The following WWC2 variants were observed in gnomAD, a reference collection of about 807,000 sequenced individuals.
WWC2 encodes protein WWC2.
In WWC2, 101 loss-of-function variants were observed where a neutral mutation model predicts 138.5. That is an observed-to-expected ratio of 0.73 (90% CI 0.62 to 0.86). WWC2 has a LOEUF of 0.86. WWC2 is among the 40% of genes least tolerant of loss of function. WWC2 has a pLI of 0.00. For synonymous variants in WWC2, 558 were observed against 538.4 expected (o/e 1.04, Z -0.50); for missense variants, 1,420 against 1,419.4 (o/e 1.00, Z -0.01).
chr4:183,282,464 T>C (rs1159884443), intron 17 of WWC2: 1 of 534,080 alleles, frequency 1.9e-6, no homozygotes, highest in Admixed American at 3.4e-5. Flanking sequence ...TATCTAGAAG[T>C]TAGGTTAAAT....
rs1449802262 is a variant in WWC2, at chr4:183,245,459, A to G, written c.646A>G (p.Ser216Gly). Residue 216 changes from serine to glycine, a missense_variant, in exon 6 of 23, where the codon AGT becomes GGT. Coordinates refer to ENST00000403733, the MANE Select transcript of WWC2 (RefSeq NM_024949.6). ...MSGGQSGYEL[S>G]EAKAILTELK... Reference sequence around the variant, plus strand: ...TGGAGGCCAGAGCGGGTATGAACTCAGTGAAGCCAAAGCCATTCTAACAGA... The same window carrying G: ...TGGAGGCCAGAGCGGGTATGAACTCGGTGAAGCCAAAGCCATTCTAACAGA... 1.9e-6 allele frequency: 3 copies of G among 1,603,850 alleles called. No homozygotes were observed. The highest frequency in any genetic ancestry group is 2.2e-5 in the South Asian group (2 of 89,202).
intron 1 of WWC2, among the ~76,000 whole-genome samples, chr4:183,189,639 T>A (rs1243551030): frequency 2.6e-5 from 4 of 152,210 alleles, no homozygotes; most frequent in African/African-American, 9.6e-5. Context: ...CATAAGCAGT[T>A]GACAGGATTC....
At chr4:183,120,960 C>T (rs150856478) in intron 1 of WWC2, among the ~76,000 whole-genome samples, 2 of 152,182 alleles carry the variant, frequency 1.3e-5, no homozygotes, top group East Asian at 1.9e-4. Flanking sequence ...GGGTTGCTTA[C>T]GCCTTTGATC....
intron 8 of WWC2, among the ~76,000 whole-genome samples, chr4:183,251,447 G>A (rs113299162): frequency 4.9e-4 from 74 of 152,320 alleles, no homozygotes; most frequent in African/African-American, 1.7e-3. Flanking sequence ...CCATGGATCA[G>A]CTTCAACTTT....
At chr4:183,216,517 C>T (rs914466794) in intron 4 of WWC2, among the ~76,000 whole-genome samples, 2 of 152,178 alleles carry the variant, frequency 1.3e-5, no homozygotes, top group African/African-American at 4.8e-5. Context: ...TTAACTACCA[C>T]AAGAATTGCC....
rs776591415 is a variant in WWC2 at position 183,269,098 on chromosome 4, T to G, written c.2335T>G (p.Leu779Val). Reference sequence around the variant, plus strand: ...CAGAGTCGCCATTTCCCAAACAGCCTTACAACAGAAGACACTGAGGGTAGA... The same window carrying G: ...CAGAGTCGCCATTTCCCAAACAGCCGTACAACAGAAGACACTGAGGGTAGA... ...VFRVAISQTA[L>V]QQKTLRVDLC... The change falls in exon 15 of 23, where the codon TTA (leucine) becomes GTA (valine). Residue 779 changes from leucine to valine, a missense_variant. Coordinates refer to ENST00000403733, the MANE Select transcript of WWC2 (RefSeq NM_024949.6). The G allele has an allele frequency of 2.5e-6, 4 of 1,613,818 alleles. No individual in the cohort carries two copies. The highest frequency in any genetic ancestry group is 2.2e-5 in the East Asian group (1 of 44,898).
chr4:183,280,229 G>GTTTTTT (rs869235261), intron 16 of WWC2, among the ~76,000 whole-genome samples: 46 of 65,386 alleles, frequency 7.0e-4, no homozygotes, highest in South Asian at 1.7e-3. Flanking sequence ...GATAGCAGCT[G>GTTTTTT]TTTTTTTTTT....
rs1339852479 is a variant in WWC2 at position 183,318,407 on chromosome 4, G to A, written c.*2678G>A. ...GTTTCTGTTTTAATTTGTCTTGTTT[G>A]TAAACGTATGCAAATACATCACATA... is the stretch of plus-strand genomic sequence containing the variant. On this transcript the variant is annotated 3_prime_UTR_variant, in exon 23 of 23. Coordinates refer to ENST00000403733, the MANE Select transcript of WWC2 (RefSeq NM_024949.6). 2 of 152,212 alleles carry A rather than the reference G, an allele frequency of 1.3e-5. No homozygotes were observed. Among genetic ancestry groups the A allele is most frequent in the Non-Finnish European group, 2.9e-5 (2 of 67,978 alleles). The allele number at this position is 152,212 out of a possible 1,614,324, so 9.4% of individuals were successfully genotyped here. A position where few individuals can be genotyped will look rare whatever the true frequency, so the allele number is the denominator to read the frequency against.
At chr4:183,292,894 C>T (rs921905620) in intron 21 of WWC2, among the ~76,000 whole-genome samples, 5 of 152,190 alleles carry the variant, frequency 3.3e-5, no homozygotes, top group Non-Finnish European at 5.9e-5. Flanking sequence ...CAGAATCCAA[C>T]ACTGTATTAA....
intron 1 of WWC2, among the ~76,000 whole-genome samples, chr4:183,144,283 G>T (rs1291668926): frequency 6.6e-6 from 1 of 152,052 alleles, no homozygotes; most frequent in Non-Finnish European, 1.5e-5. Context: ...GCTGTTTGTT[G>T]TATCTGTGTT....
intron 1 of WWC2, among the ~76,000 whole-genome samples, chr4:183,128,294 G>A (rs949411737): frequency 2.0e-5 from 3 of 152,028 alleles, no homozygotes; most frequent in Non-Finnish European, 2.9e-5. Context: ...AGCCAAGACC[G>A]TGCCATTGCA....
chr4:183,100,208 G>A (rs1743129789), intron 1 of WWC2, among the ~76,000 whole-genome samples: 1 of 152,250 alleles, frequency 6.6e-6, no homozygotes, highest in Non-Finnish European at 1.5e-5. Context: ...CGCGCGTTTG[G>A]GGGTTTCGCT....
At chr4:183,200,376 T>G (rs1735264487) in intron 2 of WWC2, among the ~76,000 whole-genome samples, 1 of 152,234 alleles carries the variant, frequency 6.6e-6, no homozygotes, top group Admixed American at 6.5e-5. Context: ...TTATTATAAC[T>G]TAAGAACATT....
intron 21 of WWC2, among the ~76,000 whole-genome samples, chr4:183,296,020 A>G (rs1738620958): frequency 6.6e-6 from 1 of 152,212 alleles, no homozygotes; most frequent in Non-Finnish European, 1.5e-5. Context: ...CCTAATTGTC[A>G]GCATTTAATT....
chr4:183,115,167 C>T lies in WWC2; in HGVS notation c.131+15545C>T, dbSNP rs181045819. On this transcript the variant is annotated intron_variant, in intron 1 of 22. Coordinates refer to ENST00000403733, the MANE Select transcript of WWC2 (RefSeq NM_024949.6). ...GTGTTAATTTGCTTAGGATAATGGC[C>T]TACAGTTCCATCCATGTTGTTGCAG... 1.2e-4 allele frequency among the ~76,000 whole-genome samples: 19 copies of T among 152,224 alleles called. No homozygotes were observed. The East Asian group carries it at 3.7e-3, about 29-fold the overall frequency.
intron 1 of WWC2, among the ~76,000 whole-genome samples, chr4:183,146,669 T>C (rs767496682): frequency 3.3e-4 from 50 of 152,142 alleles, no homozygotes; most frequent in Non-Finnish European, 6.5e-4. Context: ...TAAGCCCTTT[T>C]AGATGTCTGT....
chr4:183,162,447 T>G (rs539275004), intron 1 of WWC2, among the ~76,000 whole-genome samples: 4 of 152,304 alleles, frequency 2.6e-5, no homozygotes, highest in Admixed American at 1.3e-4. Flanking sequence ...AAGGACTGCC[T>G]TTCCAAACAA....
chr4:183,222,681 T>A (rs970164651), intron 4 of WWC2, among the ~76,000 whole-genome samples: 1 of 152,140 alleles, frequency 6.6e-6, no homozygotes, highest in Non-Finnish European at 1.5e-5. Context: ...TATAAAAATA[T>A]GTGGCCAGGC....
intron 16 of WWC2, among the ~76,000 whole-genome samples, chr4:183,275,351 G>T (rs977126069): frequency 6.6e-6 from 1 of 152,044 alleles, no homozygotes; most frequent in African/African-American, 2.4e-5. Flanking sequence ...AATATTGAAA[G>T]AAATTGTAAG....
Sources: gnomAD v4.1 joint callset for allele counts (sites outside exome capture counted in the v4.1 genomes callset) on GRCh38, gnomAD v4.1.1 for gene constraint, MANE v1.5 for transcripts, NCBI Gene and HGNC (gene_info 2026-07-23, HGNC 2026-07-21) for gene names.